Variants in SGCZ observed in about 807,000 individuals in gnomAD.
SGCZ encodes the protein zeta-sarcoglycan.
SGCZ carries 40 observed loss-of-function variants against 41.3 expected under a neutral mutation model. The ratio of observed to expected loss-of-function variants is 0.97; its 90% confidence interval spans 0.75 to 1.26. SGCZ has a LOEUF of 1.26. Among genes scored for constraint, SGCZ ranks in the 50% most tolerant of loss-of-function variants. SGCZ has a pLI of 0.00. For synonymous variants in SGCZ, 206 were observed against 137.5 expected, an observed-to-expected ratio of 1.50 and a Z score of -3.49; for missense variants, 552 against 369.8, an observed-to-expected ratio of 1.49 and a Z score of -4.04.
chr8:14,985,212 A>G (rs1231829497), intron 1 of SGCZ, among the ~76,000 whole-genome samples: 2 of 151,992 alleles, frequency 1.3e-5, no homozygotes, highest in Admixed American at 1.3e-4. Flanking sequence ...GAAATTAAAG[A>G]AAACTGTATC....
intron 1 of SGCZ, among the ~76,000 whole-genome samples, chr8:15,020,266 C>T (rs1803201451): frequency 6.6e-6 from 1 of 152,094 alleles, no homozygotes; most frequent in Admixed American, 6.5e-5. Context: ...TGATTTGATG[C>T]AAATAAAATT....
intron 3 of SGCZ, among the ~76,000 whole-genome samples, chr8:14,297,303 A>C (rs939651950): frequency 6.6e-5 from 10 of 152,090 alleles, no homozygotes; most frequent in African/African-American, 2.2e-4. Context: ...CAGATCTTAA[A>C]ATTGTATTTA....
chr8:14,879,516 T>C (rs1804497361), intron 1 of SGCZ, among the ~76,000 whole-genome samples: 1 of 151,998 alleles, frequency 6.6e-6, no homozygotes, highest in Non-Finnish European at 1.5e-5. Context: ...CAGCCCATTG[T>C]TTTGCTCTGA....
chr8:14,924,796 A>T (rs1166432842), intron 1 of SGCZ, among the ~76,000 whole-genome samples: 1 of 151,612 alleles, frequency 6.6e-6, no homozygotes, highest in Non-Finnish European at 1.5e-5. Context: ...TCATATTAAC[A>T]TTATCATTGT....
chr8:14,703,852 A>G (rs953474670), intron 1 of SGCZ, among the ~76,000 whole-genome samples: 3 of 152,040 alleles, frequency 2.0e-5, no homozygotes, highest in Non-Finnish European at 4.4e-5. Context: ...CATGCCAGTT[A>G]TAGAAAATTG....
intron 2 of SGCZ, among the ~76,000 whole-genome samples, chr8:14,425,020 T>C (rs1206301581): frequency 1.3e-5 from 2 of 152,238 alleles, no homozygotes; most frequent in East Asian, 3.9e-4. Flanking sequence ...GTTATTGAGC[T>C]TGAAATATAT....
At chr8:15,137,761 G>C (rs906033233) in intron 1 of SGCZ, among the ~76,000 whole-genome samples, 10 of 152,336 alleles carry the variant, frequency 6.6e-5, no homozygotes, top group African/African-American at 2.4e-4. Context: ...ATGTATGAAT[G>C]TCCAGGCAGA....
intron 2 of SGCZ, among the ~76,000 whole-genome samples, chr8:14,536,926 A>G (rs1245303586): frequency 1.3e-5 from 2 of 151,994 alleles, no homozygotes; most frequent in Non-Finnish European, 2.9e-5. Flanking sequence ...GAAGCTATAA[A>G]AAATTAAGTA....
intron 1 of SGCZ, among the ~76,000 whole-genome samples, chr8:15,157,092 T>G (rs1799354096): frequency 6.6e-6 from 1 of 152,168 alleles, no homozygotes; most frequent in Non-Finnish European, 1.5e-5. Context: ...CATACATACC[T>G]GTACCCAAAT....
intron 1 of SGCZ, among the ~76,000 whole-genome samples, chr8:15,060,169 G>A (rs1261120714): frequency 6.6e-6 from 1 of 152,016 alleles, no homozygotes; most frequent in Non-Finnish European, 1.5e-5. Flanking sequence ...CCATTACTGG[G>A]TATATACCCA....
At chr8:14,359,983 T>G (rs1024930522) in intron 2 of SGCZ, among the ~76,000 whole-genome samples, 2 of 152,150 alleles carry the variant, frequency 1.3e-5, no homozygotes, top group Non-Finnish European at 1.5e-5. Context: ...ATGTGATATA[T>G]CATATCAACA....
intron 1 of SGCZ, among the ~76,000 whole-genome samples, chr8:15,156,944 CAA>C (rs1204736250): frequency 3.1e-4 from 28 of 89,842 alleles, no homozygotes; most frequent in Non-Finnish European, 3.8e-4. Context: ...AACTCTGTCT[CAA>C]AAAAAAAAAA....
In SGCZ at chr8:15,238,379, G is replaced by A. The variant is rs1211710955; in HGVS notation, c.-756C>T. 6.6e-6 allele frequency: 1 copy of A among 152,208 alleles called. No individual in the cohort carries two copies. The highest frequency in any genetic ancestry group is 1.5e-5 in the Non-Finnish European group (1 of 68,054). The allele number at this position is 152,208 out of a possible 1,614,324, so 9.4% of individuals were successfully genotyped here. On this transcript the variant is annotated 5_prime_UTR_variant, in exon 1 of 8. Transcript: ENST00000382080. ...TTTCCTCCTGCTTCGCTGTTTTACT[G>A]GCCTTCACCACCAGGTGACTGACTT... is the stretch of plus-strand genomic sequence containing the variant.
Position 15,237,761 on chromosome 8 carries a change from C to G in SGCZ, c.-138G>C. 1 of 730,298 alleles carries G rather than the reference C, an allele frequency of 1.4e-6. No homozygotes were observed. The highest frequency in any genetic ancestry group is 2.3e-6 in the Non-Finnish European group (1 of 427,788). 45.2% of individuals were successfully genotyped at this position (730,298 alleles called of 1,614,324 possible). A position where few individuals can be genotyped will look rare whatever the true frequency, so the allele number is the denominator to read the frequency against. The stretch of plus-strand genomic sequence containing the variant: ...TCCTCTCAGTCTCATTCTCCGTGGT[C>G]ACGCCGCCTCCACCGGGTTAAAAAT... On this transcript the variant is annotated 5_prime_UTR_variant, in exon 1 of 8. Transcript: ENST00000382080.
chr8:14,705,879 A>G (rs1809317117), intron 1 of SGCZ, among the ~76,000 whole-genome samples: 1 of 152,036 alleles, frequency 6.6e-6, no homozygotes, highest in African/African-American at 2.4e-5. Context: ...GAATCACTAT[A>G]TTTTTAGAGA....
intron 1 of SGCZ, among the ~76,000 whole-genome samples, chr8:15,144,106 C>T (rs1303849671): frequency 6.6e-6 from 1 of 152,096 alleles, no homozygotes; most frequent in Non-Finnish European, 1.5e-5. Context: ...AGCAAAATAT[C>T]TGTTTCATTT....
chr8:14,851,479 G>C (rs1166261954), intron 1 of SGCZ, among the ~76,000 whole-genome samples: 1 of 150,762 alleles, frequency 6.6e-6, no homozygotes. Flanking sequence ...ATTTAACTTT[G>C]GCTTCCTGCA....
intron 1 of SGCZ, among the ~76,000 whole-genome samples, chr8:14,901,846 A>G (rs778075489): frequency 6.6e-6 from 1 of 152,144 alleles, no homozygotes; most frequent in Non-Finnish European, 1.5e-5. Context: ...CCAACTGTAC[A>G]AGAAAACAGA....
At chr8:14,707,090 T>C (rs1809356083) in intron 1 of SGCZ, among the ~76,000 whole-genome samples, 1 of 151,768 alleles carries the variant, frequency 6.6e-6, no homozygotes, top group South Asian at 2.1e-4. Context: ...AACGTGCAGG[T>C]TTGTTGCATA....
Sources: gnomAD v4.1 joint callset for allele counts (sites outside exome capture counted in the v4.1 genomes callset) on GRCh38, gnomAD v4.1.1 for gene constraint, MANE v1.5 for transcripts, NCBI Gene and HGNC (gene_info 2026-07-23, HGNC 2026-07-21) for gene names.